Variants in AP3B1 observed in about 807,000 individuals in gnomAD.
AP3B1 encodes adaptor related protein complex 3 subunit beta 1.
AP3B1 carries 61 observed loss-of-function variants against 132.5 expected under a neutral mutation model. That is an observed-to-expected ratio of 0.46 (90% CI 0.37 to 0.57). The LOEUF (loss-of-function observed/expected upper bound fraction) is 0.57, where lower values mean the gene tolerates loss of function less well. AP3B1 is among the 20% of genes least tolerant of loss of function. AP3B1 has a pLI of 0.00. For missense variants in AP3B1, 1,120 were observed against 1,289.4 expected (o/e 0.87, Z 2.01); for synonymous variants, 388 against 438.3 (o/e 0.89, Z 1.43).
At chr5:78,282,010 T>C (rs545621724) in intron 1 of AP3B1, among the ~76,000 whole-genome samples, 9 of 152,330 alleles carry the variant, frequency 5.9e-5, no homozygotes, top group East Asian at 3.9e-4. Context: ...TTAGACTCCA[T>C]GTCTCCCTGC....
At chr5:78,137,094 G>A (rs973949364) in intron 15 of AP3B1, among the ~76,000 whole-genome samples, 2 of 151,898 alleles carry the variant, frequency 1.3e-5, no homozygotes, top group African/African-American at 4.8e-5. Context: ...CCCCATCCTG[G>A]TTCTTCTTAT....
At chr5:78,033,556 A>G (rs1164098856) in intron 24 of AP3B1, among the ~76,000 whole-genome samples, 6 of 152,046 alleles carry the variant, frequency 3.9e-5, no homozygotes, top group Non-Finnish European at 8.8e-5. Context: ...ATTCTGTTCT[A>G]AGCTAGCTAA....
At chr5:78,048,902 T>C (rs1748457424) in intron 22 of AP3B1, among the ~76,000 whole-genome samples, 1 of 152,170 alleles carries the variant, frequency 6.6e-6, no homozygotes. Flanking sequence ...AATAAGCTTG[T>C]AATGGGAGAA....
At chr5:78,101,088 T>A in intron 20 of AP3B1, 63 bp from the exon 21 acceptor site, 1 of 1,015,124 alleles carries the variant, frequency 9.9e-7, no homozygotes, top group Non-Finnish European at 1.5e-6. Flanking sequence ...GGAGTAGTCC[T>A]TAATATTCCA....
At chr5:78,082,782 A>G (rs527472067) in intron 22 of AP3B1, among the ~76,000 whole-genome samples, 2 of 151,986 alleles carry the variant, frequency 1.3e-5, no homozygotes, top group East Asian at 3.9e-4. Flanking sequence ...GTATATCTCC[A>G]TTATGGTATT....
intron 6 of AP3B1, chr5:78,222,277 G>A (rs1010064331): frequency 1.3e-5 from 2 of 153,678 alleles, no homozygotes; most frequent in Non-Finnish European, 2.9e-5. Flanking sequence ...GGGAGAAGCA[G>A]GCCAAAGCAG....
intron 7 of AP3B1, among the ~76,000 whole-genome samples, chr5:78,204,021 T>C (rs1174511245): frequency 1.3e-5 from 2 of 152,198 alleles, no homozygotes; most frequent in South Asian, 2.1e-4. Context: ...TTTCAGCATA[T>C]TTAACATGGT....
chr5:78,271,810 G>C (rs185944599), intron 1 of AP3B1, among the ~76,000 whole-genome samples: 36 of 152,198 alleles, frequency 2.4e-4, no homozygotes, highest in Non-Finnish European at 4.1e-4. Flanking sequence ...CCTGACTATA[G>C]CATAACGTCA....
At chr5:78,094,394 A>T (rs912097867) in intron 21 of AP3B1, among the ~76,000 whole-genome samples, 8 of 152,364 alleles carry the variant, frequency 5.3e-5, no homozygotes, top group African/African-American at 1.9e-4. Context: ...CTTTAAAAAA[A>T]TTACAAATGA....
intron 3 of AP3B1, among the ~76,000 whole-genome samples, chr5:78,229,536 C>T (rs1746540976): frequency 6.8e-6 from 1 of 147,610 alleles, no homozygotes; most frequent in African/African-American, 2.5e-5. Context: ...AGTTCAGGAC[C>T]AGCCTGGGCA....
rs200738086 is a variant in AP3B1, at chr5:78,003,062, G to A, written c.3132-7C>T. 2 of 1,613,692 alleles carry A rather than the reference G, an allele frequency of 1.2e-6. No individual in the cohort carries two copies. The highest frequency in any genetic ancestry group is 1.7e-6 in the Non-Finnish European group (2 of 1,179,892). On this transcript the variant is annotated splice_polypyrimidine_tract_variant and splice_region_variant and intron_variant, in intron 26 of 26. Coordinates refer to ENST00000255194, the MANE Select transcript of AP3B1 (RefSeq NM_003664.5). ...CACAGTTTTAGCTGCAAACCTGGAA[G>A]AGAAAAAAGAGAGACCTTTTATCAT...
chr5:78,147,762 T>C (rs774191638), intron 14 of AP3B1, among the ~76,000 whole-genome samples: 26 of 152,316 alleles, frequency 1.7e-4, no homozygotes, highest in Middle Eastern at 3.4e-3. Context: ...ATCAGCCAGG[T>C]GCCATGGCTC....
At chr5:78,149,986 AC>A (rs1232300874) in intron 14 of AP3B1, among the ~76,000 whole-genome samples, 1 of 151,656 alleles carries the variant, frequency 6.6e-6, no homozygotes, top group African/African-American at 2.4e-5. Context: ...CTTTACTAAC[AC>A]CCTAAGGGAA....
chr5:78,129,849 G>T (rs1214293092), intron 15 of AP3B1, among the ~76,000 whole-genome samples: 1 of 152,036 alleles, frequency 6.6e-6, no homozygotes, highest in Non-Finnish European at 1.5e-5. Context: ...ATGAATCACT[G>T]AACTGGATTA....
intron 21 of AP3B1, among the ~76,000 whole-genome samples, chr5:78,100,558 T>C (rs1751084363): frequency 6.6e-6 from 1 of 152,170 alleles, no homozygotes; most frequent in Non-Finnish European, 1.5e-5. Context: ...TGGAAGATGG[T>C]GATGTCCTTT....
chr5:78,040,886 T>C (rs542358854), intron 22 of AP3B1, among the ~76,000 whole-genome samples: 1 of 152,198 alleles, frequency 6.6e-6, no homozygotes, highest in Non-Finnish European at 1.5e-5. Flanking sequence ...TTAAATATCA[T>C]ATATACAAAA....
chr5:78,209,182 T>C (rs72776480), intron 7 of AP3B1, among the ~76,000 whole-genome samples: 27,958 of 151,942 alleles, frequency 0.18, 2,835 homozygotes, highest in Admixed American at 0.27. Flanking sequence ...CATTCCAAAG[T>C]TAACCTGAAA....
At chr5:78,084,727 A>G (rs977016098) in intron 22 of AP3B1, among the ~76,000 whole-genome samples, 1 of 151,996 alleles carries the variant, frequency 6.6e-6, no homozygotes, top group Admixed American at 6.5e-5. Flanking sequence ...AAAAATATGC[A>G]GAAGAAAATT....
At chr5:78,203,463 A>C (rs1350622381) in intron 7 of AP3B1, among the ~76,000 whole-genome samples, 2 of 152,154 alleles carry the variant, frequency 1.3e-5, no homozygotes, top group Admixed American at 6.6e-5. Context: ...CCCATGATTC[A>C]ATTATCTCCA....
Sources: allele counts gnomAD v4.1 joint callset (sites outside exome capture counted in the v4.1 genomes callset), GRCh38; gene constraint gnomAD v4.1.1; transcripts MANE v1.5; gene names NCBI Gene and HGNC (gene_info 2026-07-23, HGNC 2026-07-21).